Variants in DYDC1 observed in about 807,000 individuals in gnomAD.
DYDC1 encodes the protein DPY30 domain containing 1, also known as DPY30 domain-containing protein 1.
DYDC1 carries 21 observed loss-of-function variants against 27.9 expected under a neutral mutation model. That is an observed-to-expected ratio of 0.75 (90% CI 0.53 to 1.08). DYDC1 has a LOEUF of 1.08. Among genes scored for constraint, DYDC1 ranks in the 50% least tolerant of loss-of-function variants. DYDC1 has a pLI of 0.00. For synonymous variants in DYDC1, 67 were observed against 65.8 expected, an observed-to-expected ratio of 1.02 and a Z score of -0.09; for missense variants, 202 against 205.9, an observed-to-expected ratio of 0.98 and a Z score of 0.12.
At chr10:80,356,608 T>C in intron 1 of DYDC1, 104 bp downstream of exon 1, 2 of 985,450 alleles carry the variant, frequency 2.0e-6, no homozygotes, top group African/African-American at 1.7e-5. Context: ...TGAGTCCTGC[T>C]CGACGCCCAA....
intron 3 of DYDC1, among the ~76,000 whole-genome samples, chr10:80,345,518 C>CATTT (rs1399320576): frequency 1.3e-5 from 2 of 152,134 alleles, no homozygotes; most frequent in Non-Finnish European, 1.5e-5. Flanking sequence ...TAGATCTCTA[C>CATTT]ATTTATTCAT....
At chr10:80,346,366 G>A (rs555220211) in intron 3 of DYDC1, among the ~76,000 whole-genome samples, 3 of 147,952 alleles carry the variant, frequency 2.0e-5, no homozygotes, top group East Asian at 2.0e-4. Flanking sequence ...TAATGGCTGC[G>A]CCAATTTGTA....
At chr10:80,350,498 A>G (rs748147184) in intron 3 of DYDC1, among the ~76,000 whole-genome samples, 7 of 152,144 alleles carry the variant, frequency 4.6e-5, no homozygotes, top group Non-Finnish European at 8.8e-5. Context: ...TTGACACCCA[A>G]CTCAACACTT....
chr10:80,342,393 T>C (rs751412062), intron 3 of DYDC1, 32 bp from the exon 4 acceptor site: 2 of 1,602,470 alleles, frequency 1.2e-6, no homozygotes. Context: ...ATATTACAGT[T>C]AGATTAATTG....
Position 80,336,129 on chromosome 10 carries a change from C to A in DYDC1, c.*27G>T, listed in dbSNP as rs145423945. Reference sequence around the variant, plus strand: ...GTTTGAAATTTGAAACAAACAAAAACATTTATTGCTCTTAGGTTGGTTGGT... The same window carrying A: ...GTTTGAAATTTGAAACAAACAAAAAAATTTATTGCTCTTAGGTTGGTTGGT... On this transcript the variant is annotated 3_prime_UTR_variant, in exon 7 of 7. Transcript: ENST00000372202. 7.2e-7 allele frequency: 1 copy of A among 1,387,132 alleles called. No individual in the cohort carries two copies. Among genetic ancestry groups the A allele is most frequent in the Non-Finnish European group, 1.0e-6 (1 of 997,284 alleles). The allele number at this position is 1,387,132 out of a possible 1,614,324, so 85.9% of individuals were successfully genotyped here.
At chr10:80,353,698 G>A (rs931767872) in intron 1 of DYDC1, among the ~76,000 whole-genome samples, 13 of 151,642 alleles carry the variant, frequency 8.6e-5, no homozygotes, top group Non-Finnish European at 1.5e-4. Flanking sequence ...GTGTGATCCT[G>A]AACTGTGCAC....
At chr10:80,351,585 CA>C (rs1319266352) in intron 3 of DYDC1, among the ~76,000 whole-genome samples, 1 of 152,118 alleles carries the variant, frequency 6.6e-6, no homozygotes, top group Admixed American at 6.6e-5. Flanking sequence ...ACTCAGATCT[CA>C]CCAAAACAGT....
At chr10:80,342,564 C>G (rs78368710) in intron 3 of DYDC1, among the ~76,000 whole-genome samples, 3 of 152,154 alleles carry the variant, frequency 2.0e-5, no homozygotes, top group Non-Finnish European at 2.9e-5. Context: ...ACAATTTGTA[C>G]AAAATTATTT....
At chr10:80,352,756 G>A (rs376216865) in intron 1 of DYDC1, 146 bp from the exon 2 acceptor site, 2 of 1,068,224 alleles carry the variant, frequency 1.9e-6, no homozygotes, top group East Asian at 3.2e-5. Context: ...AAGCAAGCTG[G>A]CCCCAGGAAA....
intron 6 of DYDC1, chr10:80,337,964 T>G (rs368714827): frequency 2.0e-6 from 1 of 489,652 alleles, no homozygotes; most frequent in Admixed American, 6.4e-5. Context: ...TTCATCTAAT[T>G]GTCTGTTTCT....
chr10:80,353,839 A>G (rs1843165472), intron 1 of DYDC1, among the ~76,000 whole-genome samples: 2 of 152,072 alleles, frequency 1.3e-5, no homozygotes, highest in African/African-American at 4.8e-5. Context: ...AATAATGATA[A>G]TATCTCTTTT....
Position 80,339,078 on chromosome 10 carries a change from AAT to A in DYDC1, c.399+17_399+18del. 7.4e-7 allele frequency: 1 copy of A among 1,353,760 alleles called. No homozygotes were observed. The highest frequency in any genetic ancestry group is 1.0e-6 in the Non-Finnish European group (1 of 999,998). The allele number at this position is 1,353,760 out of a possible 1,614,324, so 83.9% of individuals were successfully genotyped here. On this transcript the variant is annotated intron_variant, in intron 5 of 6. Transcript: ENST00000372202. Reference sequence around the variant, plus strand: ...ACTCAATTCATTTCACATAACATAGAATGACTTTTTCTTCTCACCTCTGAATG... The same window carrying A: ...ACTCAATTCATTTCACATAACATAGAGACTTTTTCTTCTCACCTCTGAATG...
intron 1 of DYDC1, among the ~76,000 whole-genome samples, chr10:80,355,716 T>C (rs1554846701): frequency 6.6e-6 from 1 of 152,190 alleles, no homozygotes; most frequent in Non-Finnish European, 1.5e-5. Context: ...GTATATGGTC[T>C]GTCATCTTTT....
intron 3 of DYDC1, among the ~76,000 whole-genome samples, chr10:80,346,750 G>GC (rs1452870514): frequency 6.6e-6 from 1 of 151,740 alleles, no homozygotes; most frequent in South Asian, 2.1e-4. Flanking sequence ...GTGAGCCACT[G>GC]CCCCCGGCCA....
At position 80,347,276 on chromosome 10, in the gene DYDC1, C is replaced by CTTTTTT. The variant is rs556362145; in HGVS notation, c.249+4619_249+4624dup. On this transcript the variant is annotated intron_variant, in intron 3 of 6. Coordinates refer to ENST00000372202, the MANE Select transcript of DYDC1 (RefSeq NM_001269053.2). Reference sequence around the variant, plus strand: ...CTTTGCCCATTTTTTAATTGGGATCCTTTTTTTTTTTTTTTTTTTTTTTTT... The same window carrying CTTTTTT: ...CTTTGCCCATTTTTTAATTGGGATCCTTTTTTTTTTTTTTTTTTTTTTTTTTTTTTT... Among the ~76,000 whole-genome samples, 10 of 90,122 alleles carry CTTTTTT rather than the reference C, an allele frequency of 1.1e-4. 2 individuals are homozygous for CTTTTTT. The highest frequency in any genetic ancestry group is 1.5e-4 in the Non-Finnish European group (7 of 47,014). 59.1% of individuals were successfully genotyped at this position (90,122 alleles called of 152,430 possible). A position where few individuals can be genotyped will look rare whatever the true frequency, so the allele number is the denominator to read the frequency against.
At chr10:80,350,009 C>T (rs1428005513) in intron 3 of DYDC1, among the ~76,000 whole-genome samples, 1 of 152,208 alleles carries the variant, frequency 6.6e-6, no homozygotes, top group African/African-American at 2.4e-5. Context: ...TTCCCAACCT[C>T]CAGCTTACAT....
chr10:80,347,131 CAT>C (rs1319845958), intron 3 of DYDC1, among the ~76,000 whole-genome samples: 1 of 151,726 alleles, frequency 6.6e-6, no homozygotes, highest in Non-Finnish European at 1.5e-5. Flanking sequence ...GGTGGTATCT[CAT>C]AGTGGTTTTG....
At position 80,349,338 on chromosome 10, in the gene DYDC1, T is replaced by C. The variant is rs191247057; in HGVS notation, c.249+2563A>G. On this transcript the variant is annotated intron_variant, in intron 3 of 6. Transcript: ENST00000372202. ...AAATTTATATTCAGTGATTATTATT[T>C]GAATTTCATCAATAAAACATTTGCA... Among the ~76,000 whole-genome samples, 1,233 of 152,370 alleles carry C rather than the reference T, an allele frequency of 8.1e-3. 3 individuals carry two copies. The highest frequency in any genetic ancestry group is 0.017 in the Middle Eastern group (5 of 294).
chr10:80,343,224 T>C (rs1453680229), intron 3 of DYDC1, among the ~76,000 whole-genome samples: 3 of 152,202 alleles, frequency 2.0e-5, no homozygotes, highest in African/African-American at 7.2e-5. Context: ...GAAAACGGTA[T>C]GAAATGTAAA....
Sources: allele counts gnomAD v4.1 joint callset (sites outside exome capture counted in the v4.1 genomes callset), GRCh38; gene constraint gnomAD v4.1.1; transcripts MANE v1.5; gene names NCBI Gene and HGNC (gene_info 2026-07-23, HGNC 2026-07-21).